Variants in TTN observed in about 807,000 individuals in gnomAD.
The protein encoded by TTN is titin, also known as connectin.
Under a neutral mutation model 3,223.0 loss-of-function variants are expected in TTN, and 1,525 were observed. The observed-to-expected ratio is 0.47, with a 90% CI of 0.45 to 0.49. The LOEUF (loss-of-function observed/expected upper bound fraction) is 0.49, where lower values mean the gene tolerates loss of function less well. TTN is among the 20% of genes least tolerant of loss of function. TTN has a pLI of 0.00. For synonymous variants in TTN, 14,094 were observed against 15,161.0 expected (o/e 0.93, Z 5.17); for missense variants, 40,786 against 43,424.0 (o/e 0.94, Z 5.40).
At position 178,759,248 on chromosome 2, in the gene TTN, T is replaced by A. The variant is rs1044399368; in HGVS notation, c.10115-76A>T. The A allele has an allele frequency of 1.1e-5, 16 of 1,411,764 alleles. No homozygotes were observed. The Admixed American group carries it at 2.0e-4, about 18-fold the overall frequency. The allele number at this position is 1,411,764 out of a possible 1,614,324, so 87.5% of individuals were successfully genotyped here. A position where few individuals can be genotyped will look rare whatever the true frequency, so the allele number is the denominator to read the frequency against. ...TTACAATTTACCTGCAAACACAATGTTAATAATACTAGTGCCTACATTTCA... is the reference window on the plus strand; with the variant it reads ...TTACAATTTACCTGCAAACACAATGATAATAATACTAGTGCCTACATTTCA... On this transcript the variant is annotated intron_variant, in intron 43 of 362. Coordinates refer to ENST00000589042, the MANE Select transcript of TTN (RefSeq NM_001267550.2).
chr2:178,714,599 G>A lies in TTN; in HGVS notation c.26201-26C>T, dbSNP rs1463346078. 3.9e-6 allele frequency: 6 copies of A among 1,556,098 alleles called. No individual in the cohort carries two copies. In the South Asian group the frequency reaches 4.9e-5, roughly 13 times the overall value. On this transcript the variant is annotated intron_variant, in intron 90 of 362. Coordinates refer to ENST00000589042, the MANE Select transcript of TTN (RefSeq NM_001267550.2). ...CTGATGAAAAAGGAGGAAAGCCTGG[G>A]TTTTAAAATTTGTGAGACTGACAGC...
Position 178,618,416 on chromosome 2 carries a change from G to C in TTN, c.47042C>G (p.Pro15681Arg). ...GATTTTGCTTCCACCATCAGTTAAA[G>C]GTTCTTCCCAAGCAAGGCTCACTTC... is the stretch of plus-strand genomic sequence containing the variant. ...DGEVSLAWEEPLTDGGSKIIG... is the reference protein window; with the variant it reads ...DGEVSLAWEERLTDGGSKIIG... The change falls in exon 252 of 363, where the codon CCT (proline) becomes CGT (arginine). Residue 15681 changes from proline to arginine, a missense_variant. Physicochemically the swap from Pro to Arg is moderately radical, Grantham distance 103 (BLOSUM62 -2). Coordinates refer to ENST00000589042, the MANE Select transcript of TTN (RefSeq NM_001267550.2). 6.2e-7 allele frequency: 1 copy of C among 1,612,468 alleles called. No homozygotes were observed.
chr2:178,706,923 T>C lies in TTN; in HGVS notation c.29073A>G (p.Lys9691=). 1 of 1,611,710 alleles carries C rather than the reference T, an allele frequency of 6.2e-7. No homozygotes were observed. Among genetic ancestry groups the C allele is most frequent in the African/African-American group, 1.3e-5 (1 of 75,018 alleles). The change falls in exon 101 of 363, where the codon AAA becomes AAG. Residue 9691 remains lysine, a synonymous_variant. Transcript: ENST00000589042. ...DKPAVAPATK[K]AAVDGRLFFV... Reference sequence around the variant, plus strand: ...AAAAGAGTCTTCCATCTACCGCAGCTTTCTTGGTTGCTGGGGCCACAGCTG... The same window carrying C: ...AAAAGAGTCTTCCATCTACCGCAGCCTTCTTGGTTGCTGGGGCCACAGCTG...
At position 178,543,314 on chromosome 2, in the gene TTN, G is replaced by A. The variant is rs727505204; in HGVS notation, c.96659C>T (p.Thr32220Ile). ...GTAGAGTGGTTTTTCCCAGGCAAGG[G>A]TAACAGTGGATTTGGTGACATCGAC... ...EVVDVTKSTV[T>I]LAWEKPLYDG... The change falls in exon 347 of 363, where the codon ACC becomes ATC. Residue 32220 changes from threonine to isoleucine, a missense_variant. By Grantham distance (89) the Thr-to-Ile change is moderately conservative. Coordinates refer to ENST00000589042, the MANE Select transcript of TTN (RefSeq NM_001267550.2). The A allele has an allele frequency of 3.1e-6, 5 of 1,613,790 alleles. No homozygotes were observed. The highest frequency in any genetic ancestry group is 1.3e-5 in the African/African-American group (1 of 75,004).
chr2:178,678,101 T>C (rs370167205), intron 145 of TTN, 24 bp downstream of exon 145: 3 of 1,600,316 alleles, frequency 1.9e-6, no homozygotes, highest in Non-Finnish European at 2.6e-6. Flanking sequence ...TCTTTTACCA[T>C]GGCTCTGTTA....
At position 178,557,066 on chromosome 2, in the gene TTN, C is replaced by G; in HGVS notation, c.88088G>C (p.Gly29363Ala). Residue 29363 changes from glycine to alanine, a missense_variant, in exon 330 of 363, where the codon GGA (glycine) becomes GCA (alanine). Coordinates refer to ENST00000589042, the MANE Select transcript of TTN (RefSeq NM_001267550.2). ...AATGTAGCCTGTAATCTTGCTACCT[C>G]CATCGAAAGCTGGTTGTTGCCATGA... is the stretch of plus-strand genomic sequence containing the variant. The part of the protein sequence containing the change: ...SLSWQQPAFD[G>A]GSKITGYIVE... The G allele has an allele frequency of 6.2e-7, 1 of 1,613,676 alleles. No homozygotes were observed. The highest frequency in any genetic ancestry group is 1.1e-5 in the South Asian group (1 of 91,052).
chr2:178,664,999 G>A, intron 165 of TTN, 73 bp from the exon 166 acceptor site: 1 of 1,472,608 alleles, frequency 6.8e-7, no homozygotes, highest in South Asian at 1.2e-5. Context: ...AATAAGTTAG[G>A]AAATATAACC....
chr2:178,583,003 A>C lies in TTN; in HGVS notation c.65800T>G (p.Tyr21934Asp), dbSNP rs786205385. The change falls in exon 313 of 363, where the codon TAT (tyrosine) becomes GAT (aspartate). Residue 21934 changes from tyrosine (Y) to aspartate (D), a missense_variant. Physicochemically the swap from Tyr to Asp is radical, Grantham distance 160 (BLOSUM62 -3). Transcript: ENST00000589042. Reference protein sequence around the residue: ...FSVNRKDSGDYTITAENSSGS... With the variant: ...FSVNRKDSGDDTITAENSSGS... Reference sequence around the variant, plus strand: ...CTTGAATTTTCAGCAGTAATGGTATAGTCTCCTGAGTCCTTCCGGTTCACG... The same window carrying C: ...CTTGAATTTTCAGCAGTAATGGTATCGTCTCCTGAGTCCTTCCGGTTCACG... The C allele has an allele frequency of 1.3e-6, 2 of 1,593,320 alleles. No individual in the cohort carries two copies. The highest frequency in any genetic ancestry group is 1.7e-5 in the Admixed American group (1 of 58,404).
chr2:178,651,567 C>T (rs536519785), intron 206 of TTN, 31 bp from the exon 207 acceptor site: 360 of 1,611,082 alleles, frequency 2.2e-4, no homozygotes, highest in Non-Finnish European at 3.0e-4. Flanking sequence ...TGTTTAAGCT[C>T]ATGGTTTCAA....
In TTN at chr2:178,702,478, G is replaced by T. The variant is rs2075178264; in HGVS notation, c.30409C>A (p.His10137Asn). 1.2e-6 allele frequency: 2 copies of T among 1,613,788 alleles called. No individual in the cohort carries two copies. The highest frequency in any genetic ancestry group is 1.7e-6 in the Non-Finnish European group (2 of 1,179,880). Residue 10137 changes from histidine to asparagine, a missense_variant, in exon 107 of 363, where the codon CAC becomes AAC. By Grantham distance (68) the His-to-Asn change is moderately conservative (BLOSUM62 1). Transcript: ENST00000589042. ...CCTTCATCGTCTGGGGTCACATTGT[G>T]GATGGTCATATAATGGCAGCGGCCA... ...NDGRCHYMTIHNVTPDDEGVY... is the reference protein window; with the variant it reads ...NDGRCHYMTINNVTPDDEGVY...
chr2:178,697,161 G>A lies in TTN; in HGVS notation c.30762C>T (p.Val10254=). The A allele has an allele frequency of 1.9e-6, 3 of 1,542,648 alleles. No individual in the cohort carries two copies. ...AGGTAGTAGGAGGTGGAGGCTTCTT[G>A]ACAATCTCTGGGAGTTTAAAAACAT... ...PKEMTPREEI[V]KKPPPPTTLI... The change falls in exon 113 of 363, where the codon GTC becomes GTT. Residue 10254 remains valine, a synonymous_variant. Transcript: ENST00000589042.
rs141617218 is a variant in TTN at position 178,793,491 on chromosome 2, G to T, written c.1449C>A (p.Ala483=). The T allele has an allele frequency of 6.2e-7, 1 of 1,613,918 alleles. No individual in the cohort carries two copies. Among genetic ancestry groups the T allele is most frequent in the Non-Finnish European group, 8.5e-7 (1 of 1,179,992 alleles). ...TTAATTCTTGTTCCTTGGCTTTATCGGCGGCCACTACTACCTTAGTTACAG... is the reference window on the plus strand; with the variant it reads ...TTAATTCTTGTTCCTTGGCTTTATCTGCGGCCACTACTACCTTAGTTACAG... The part of the protein sequence containing the change: ...KTAVTKVVVA[A]DKAKEQELKS... Residue 483 remains alanine, a synonymous_variant, in exon 9 of 363, where the codon GCC becomes GCA. Coordinates refer to ENST00000589042, the MANE Select transcript of TTN (RefSeq NM_001267550.2).
At chr2:178,699,354 G>A (rs561281973) in intron 111 of TTN, among the ~76,000 whole-genome samples, 3 of 126,698 alleles carry the variant, frequency 2.4e-5, no homozygotes, top group Middle Eastern at 6.0e-3. Flanking sequence ...CTTGATTATG[G>A]CCTTTTGTAT....
Position 178,573,991 on chromosome 2 carries a change from G to A in TTN, c.72141C>T (p.Phe24047=), listed in dbSNP as rs1414782082. 5 of 1,613,226 alleles carry A rather than the reference G, an allele frequency of 3.1e-6. No homozygotes were observed. Among genetic ancestry groups the A allele is most frequent in the African/African-American group, 1.3e-5 (1 of 74,894 alleles). The stretch of plus-strand genomic sequence containing the variant: ...GGCCTGAAACATCAGCTTCCAGTCT[G>A]AATGCTTCACCTGCTTTTAATATAA... ...DTVILKAGEA[F]RLEADVSGRP... Residue 24047 remains phenylalanine (F), a synonymous_variant, in exon 326 of 363, where the codon TTC becomes TTT. Coordinates refer to ENST00000589042, the MANE Select transcript of TTN (RefSeq NM_001267550.2).
chr2:178,799,477 G>A lies in TTN; in HGVS notation c.914+10C>T, dbSNP rs542289868. ...TGTGCAATAATCTGCTCTCTCTATG[G>A]CAGCTTTACCTGACCGGAGATGGGG... is the stretch of plus-strand genomic sequence containing the variant. On this transcript the variant is annotated intron_variant, in intron 6 of 362. Coordinates refer to ENST00000589042, the MANE Select transcript of TTN (RefSeq NM_001267550.2). 14 of 1,614,074 alleles carry A rather than the reference G, an allele frequency of 8.7e-6. No homozygotes were observed. The South Asian group carries it at 1.5e-4, about 18-fold the overall frequency.
intron 45 of TTN, 55 bp downstream of exon 45, chr2:178,757,487 G>C (rs2087644388): frequency 6.7e-7 from 1 of 1,488,082 alleles, no homozygotes; most frequent in Non-Finnish European, 8.9e-7. Flanking sequence ...ATTAGTAACA[G>C]TGGGACTGAG....
Position 178,533,078 on chromosome 2 carries a change from C to A in TTN, c.103537G>T (p.Ala34513Ser). The change falls in exon 358 of 363, where the codon GCT (alanine) becomes TCT (serine). Residue 34513 changes from alanine (A) to serine (S), a missense_variant. Transcript: ENST00000589042. The stretch of plus-strand genomic sequence containing the variant: ...CCTTTTACAGTCTTGGTGCTTACAG[C>A]CGGTTTATAAAGGACAGCAGCTTCT... The part of the protein sequence containing the change: ...LREAAVLYKP[A>S]VSTKTVKGEF... 1 of 1,613,934 alleles carries A rather than the reference C, an allele frequency of 6.2e-7. No homozygotes were observed. Among genetic ancestry groups the A allele is most frequent in the Non-Finnish European group, 8.5e-7 (1 of 1,179,870 alleles).
Position 178,799,368 on chromosome 2 carries a change from C to G in TTN, c.914+119G>C, listed in dbSNP as rs1413848301. 10 of 1,506,746 alleles carry G rather than the reference C, an allele frequency of 6.6e-6. No individual in the cohort carries two copies. In the Admixed American group the frequency reaches 1.6e-4, roughly 24 times the overall value. The allele number at this position is 1,506,746 out of a possible 1,614,324, so 93.3% of individuals were successfully genotyped here. A position where few individuals can be genotyped will look rare whatever the true frequency, so the allele number is the denominator to read the frequency against. On this transcript the variant is annotated intron_variant, in intron 6 of 362. Coordinates refer to ENST00000589042, the MANE Select transcript of TTN (RefSeq NM_001267550.2). The stretch of plus-strand genomic sequence containing the variant: ...CCCTAGAGGTTTGAGCAGCGGGACA[C>G]TGAAGAAGCGAACCACTCTCCGCGT...
chr2:178,569,393 G>A lies in TTN; in HGVS notation c.76739C>T (p.Thr25580Met), dbSNP rs56372592. Residue 25580 changes from threonine to methionine, a missense_variant, in exon 326 of 363, where the codon ACG (threonine) becomes ATG (methionine). Physicochemically the swap from Thr to Met is moderately conservative, Grantham distance 81 (BLOSUM62 -1). Coordinates refer to ENST00000589042, the MANE Select transcript of TTN (RefSeq NM_001267550.2). ...TCCACTGCTGTTTTCTAATGTAAGC[G>A]TATATTTTCCACTATCATATCGGTT... is the stretch of plus-strand genomic sequence containing the variant. ...NVNRYDSGKY[T>M]LTLENSSGTK... 935 of 1,613,318 alleles carry A rather than the reference G, an allele frequency of 5.8e-4. 22 individuals carry two copies. The East Asian group carries it at 0.013, about 22-fold the overall frequency.
Sources: allele counts gnomAD v4.1 joint callset (sites outside exome capture counted in the v4.1 genomes callset), GRCh38; gene constraint gnomAD v4.1.1; transcripts MANE v1.5; gene names NCBI Gene and HGNC (gene_info 2026-07-23, HGNC 2026-07-21).